NDUFA5: variants seen among roughly 807,000 people sequenced by gnomAD.
NDUFA5 encodes the protein NADH dehydrogenase [ubiquinone] 1 alpha subcomplex subunit 5.
In NDUFA5, 11 loss-of-function variants were observed where a neutral mutation model predicts 19.8. The ratio of observed to expected loss-of-function variants is 0.56; its 90% CI spans 0.35 to 0.92. The LOEUF is 0.92. Among genes scored for constraint, NDUFA5 ranks in the 40% least tolerant of loss-of-function variants. The probability of loss-of-function intolerance (pLI) is 0.01; values close to 1 mark genes in which losing one functional copy is unlikely to be tolerated. For missense variants in NDUFA5, 109 were observed against 134.2 expected, an observed-to-expected ratio of 0.81 and a Z score of 0.93; for synonymous variants, 47 against 46.8, an observed-to-expected ratio of 1.00 and a Z score of -0.01.
intron 1 of NDUFA5, 98 bp downstream of exon 1, chr7:123,557,677 C>T: frequency 6.2e-7 from 1 of 1,614,050 alleles, no homozygotes; most frequent in Non-Finnish European, 8.5e-7. Context: ...CACCGCCGAG[C>T]CCGCGACAGT....
At chr7:123,548,675 TAGA>T (rs1798221359) in intron 3 of NDUFA5, among the ~76,000 whole-genome samples, 1 of 152,148 alleles carries the variant, frequency 6.6e-6, no homozygotes, top group Non-Finnish European at 1.5e-5. Flanking sequence ...AGCCAGAACT[TAGA>T]AGGCCTTCTA....
intron 4 of NDUFA5, among the ~76,000 whole-genome samples, chr7:123,543,734 T>C (rs769346484): frequency 1.4e-4 from 21 of 152,058 alleles, no homozygotes; most frequent in Non-Finnish European, 2.4e-4. Context: ...CTAAATAAAG[T>C]CATGATCAAA....
chr7:123,594,721 T>C, the NDUFA5 span, among the ~76,000 whole-genome samples: 9 of 152,174 alleles, frequency 5.9e-5, no homozygotes, highest in Non-Finnish European at 1.3e-4. Flanking sequence ...GGAGTCTCCC[T>C]GTCAGGCTAC....
the NDUFA5 span, among the ~76,000 whole-genome samples, chr7:123,566,300 C>T: frequency 3.9e-5 from 6 of 152,144 alleles, no homozygotes; most frequent in African/African-American, 1.4e-4. Flanking sequence ...TTCTCTCAGC[C>T]CTCAGAAGGA....
the NDUFA5 span, among the ~76,000 whole-genome samples, chr7:123,581,699 T>C: frequency 6.6e-6 from 1 of 151,932 alleles, no homozygotes; most frequent in Admixed American, 6.6e-5. Flanking sequence ...TACTAGATAG[T>C]AGGATTGTAA....
At chr7:123,571,697 G>A in the NDUFA5 span, among the ~76,000 whole-genome samples, 33 of 152,270 alleles carry the variant, frequency 2.2e-4, no homozygotes, top group East Asian at 5.0e-3. Context: ...AAGAGATGTT[G>A]TTTCACCAAA....
the NDUFA5 span, among the ~76,000 whole-genome samples, chr7:123,565,194 C>T: frequency 6.6e-6 from 1 of 152,132 alleles, no homozygotes; most frequent in Admixed American, 6.5e-5. Context: ...TGTCTCAGCT[C>T]AAACAGGGAG....
the NDUFA5 span, among the ~76,000 whole-genome samples, chr7:123,577,395 C>T: frequency 1.3e-5 from 2 of 152,212 alleles, no homozygotes; most frequent in East Asian, 1.9e-4. Context: ...GCCCAGTTTC[C>T]CTTCCTTTAA....
intron 3 of NDUFA5, among the ~76,000 whole-genome samples, chr7:123,547,641 C>CA (rs1235307779): frequency 6.6e-6 from 1 of 151,814 alleles, no homozygotes; most frequent in African/African-American, 2.4e-5. Context: ...TATGAGAGAC[C>CA]AAAAATCAAA....
chr7:123,571,912 G>A, the NDUFA5 span, among the ~76,000 whole-genome samples: 1 of 151,898 alleles, frequency 6.6e-6, no homozygotes, highest in African/African-American at 2.4e-5. Context: ...CCACACCACA[G>A]GCATGCACCA....
chr7:123,548,137 G>A (rs1798203362), intron 3 of NDUFA5, among the ~76,000 whole-genome samples: 1 of 152,058 alleles, frequency 6.6e-6, no homozygotes, highest in Non-Finnish European at 1.5e-5. Flanking sequence ...CTTAGGCTTA[G>A]TAAATAGATA....
the NDUFA5 span, among the ~76,000 whole-genome samples, chr7:123,595,105 G>A: frequency 0.29 from 44,773 of 152,116 alleles, 6,740 homozygotes; most frequent in East Asian, 0.4. Flanking sequence ...CGTGGAACTC[G>A]CTGAGCCAGG....
At chr7:123,568,642 C>T in the NDUFA5 span, among the ~76,000 whole-genome samples, 1 of 151,990 alleles carries the variant, frequency 6.6e-6, no homozygotes, top group African/African-American at 2.4e-5. Flanking sequence ...GGAAATGTTG[C>T]TCCTCATTTA....
the NDUFA5 span, among the ~76,000 whole-genome samples, chr7:123,569,305 A>T: frequency 6.6e-6 from 1 of 152,218 alleles, no homozygotes; most frequent in Non-Finnish European, 1.5e-5. Context: ...GGGAAGAAAC[A>T]TAACAACCAA....
chr7:123,586,208 C>T, the NDUFA5 span, among the ~76,000 whole-genome samples: 6 of 151,778 alleles, frequency 4.0e-5, no homozygotes, highest in Admixed American at 2.6e-4. Context: ...GTGTACAAGA[C>T]GTTTTATTTC....
chr7:123,577,182 G>T, the NDUFA5 span, among the ~76,000 whole-genome samples: 1 of 152,030 alleles, frequency 6.6e-6, no homozygotes. Context: ...AGATGTAAAG[G>T]TTTACTATAT....
At position 123,540,148 on chromosome 7, in the gene NDUFA5, T is replaced by C. The variant is rs1039849950; in HGVS notation, c.*1971A>G. The stretch of plus-strand genomic sequence containing the variant: ...TTTCTTATCTGGAAAATGAAGATAA[T>C]TTGTAGTATCACTCTTAGGGTTGTA... On this transcript the variant is annotated 3_prime_UTR_variant, in exon 5 of 5. Transcript: ENST00000355749. 1.3e-5 allele frequency: 2 copies of C among 152,178 alleles called. No homozygotes were observed. Among genetic ancestry groups the C allele is most frequent in the Non-Finnish European group, 1.5e-5 (1 of 68,030 alleles). The allele number at this position is 152,178 out of a possible 1,614,324, so 9.4% of individuals were successfully genotyped here.
At chr7:123,547,864 C>T (rs959378554) in intron 3 of NDUFA5, among the ~76,000 whole-genome samples, 4 of 152,112 alleles carry the variant, frequency 2.6e-5, no homozygotes, top group Non-Finnish European at 4.4e-5. Flanking sequence ...TGAATGCTCA[C>T]TATATACTTG....
the NDUFA5 span, among the ~76,000 whole-genome samples, chr7:123,587,903 A>G: frequency 2.0e-5 from 3 of 151,902 alleles, no homozygotes; most frequent in Non-Finnish European, 4.4e-5. Flanking sequence ...ACCATGGTAC[A>G]TAATCCTTTT....
Sources: gnomAD v4.1 joint callset for allele counts (sites outside exome capture counted in the v4.1 genomes callset) on GRCh38, gnomAD v4.1.1 for gene constraint, MANE v1.5 for transcripts, NCBI Gene and HGNC (gene_info 2026-07-23, HGNC 2026-07-21) for gene names.